The following SORD variants were observed in gnomAD, a reference collection of about 807,000 sequenced individuals.
SORD encodes (R,R)-butanediol dehydrogenase.
A neutral mutation model predicts 35.6 loss-of-function variants in SORD; 18 were observed. The ratio of observed to expected loss-of-function variants is 0.51; its 90% confidence interval spans 0.35 to 0.75. SORD has a LOEUF of 0.75. Among genes scored for constraint, SORD ranks in the 30% least tolerant of loss-of-function variants. The pLI, the probability that SORD is intolerant of heterozygous loss-of-function variation, is 0.01. For missense variants in SORD, 250 were observed against 390.2 expected (o/e 0.64, Z 3.03); for synonymous variants, 106 against 152.9 (o/e 0.69, Z 2.26).
At chr15:45,038,232 A>T (rs1186599125) in intron 1 of SORD, among the ~76,000 whole-genome samples, 1 of 149,402 alleles carries the variant, frequency 6.7e-6, no homozygotes, top group Admixed American at 6.7e-5. Context: ...AGATAAAAAG[A>T]CTCCCTTAAG....
intron 3 of SORD, among the ~76,000 whole-genome samples, chr15:45,056,855 G>T (rs989629746): frequency 5.3e-5 from 8 of 152,158 alleles, no homozygotes; most frequent in African/African-American, 1.9e-4. Context: ...AGGGATCATT[G>T]GTTCCAGTCA....
chr15:45,024,833 A>G (rs1892644370), intron 1 of SORD, among the ~76,000 whole-genome samples: 1 of 152,222 alleles, frequency 6.6e-6, no homozygotes, highest in Non-Finnish European at 1.5e-5. Context: ...AGATAAAGTC[A>G]ACAATTATGA....
intron 1 of SORD, 112 bp from the exon 2 acceptor site, chr15:45,040,296 T>C: frequency 1.3e-6 from 1 of 769,672 alleles, no homozygotes; most frequent in South Asian, 1.6e-5. Flanking sequence ...CTTGTGTTAA[T>C]TCTAAGAAGA....
At chr15:45,061,675 G>A (rs1014281758) in intron 4 of SORD, among the ~76,000 whole-genome samples, 1 of 151,824 alleles carries the variant, frequency 6.6e-6, no homozygotes, top group Non-Finnish European at 1.5e-5. Context: ...AGACCTTCCT[G>A]GCTAACACGG....
At chr15:45,035,465 G>T (rs112917687) in intron 1 of SORD, among the ~76,000 whole-genome samples, 1,706 of 152,066 alleles carry the variant, frequency 0.011, 33 homozygotes, top group African/African-American at 0.04. Context: ...TAGCTAATCT[G>T]GGGGGGAGGT....
At chr15:45,029,891 T>A (rs1892746170) in intron 1 of SORD, among the ~76,000 whole-genome samples, 1 of 152,262 alleles carries the variant, frequency 6.6e-6, no homozygotes, top group African/African-American at 2.4e-5. Context: ...CTCTACCAAC[T>A]GAGTCTGGGA....
chr15:45,072,564 T>G (rs1893529114), intron 8 of SORD, 126 bp downstream of exon 8: 1 of 519,572 alleles, frequency 1.9e-6, no homozygotes, highest in East Asian at 3.4e-5. Context: ...GCCACACTGA[T>G]AGCTGTGTGA....
chr15:45,036,176 G>T, intron 1 of SORD: 1 of 329,724 alleles, frequency 3.0e-6, no homozygotes, highest in South Asian at 2.3e-5. Context: ...CTCCGGACAC[G>T]CCCCCTTTAG....
At chr15:45,053,969 T>C (rs1339851399) in intron 3 of SORD, among the ~76,000 whole-genome samples, 1 of 146,904 alleles carries the variant, frequency 6.8e-6, no homozygotes, top group African/African-American at 2.5e-5. Flanking sequence ...ACAAAGGACA[T>C]GAACTCATCA....
intron 7 of SORD, chr15:45,070,351 G>A (rs1298191077): frequency 6.6e-6 from 1 of 152,194 alleles, no homozygotes; most frequent in African/African-American, 2.4e-5. Flanking sequence ...CCTTCCTTCT[G>A]AGGCTCACAG....
chr15:45,061,334 C>T, intron 4 of SORD, 108 bp downstream of exon 4: 1 of 1,225,352 alleles, frequency 8.2e-7, no homozygotes, highest in Non-Finnish European at 1.2e-6. Context: ...TAATTCCAAA[C>T]ATGAGGCATC....
At chr15:45,046,569 A>G (rs1221616874) in intron 3 of SORD, among the ~76,000 whole-genome samples, 1 of 152,234 alleles carries the variant, frequency 6.6e-6, no homozygotes, top group Non-Finnish European at 1.5e-5. Flanking sequence ...TTTGGTGGTC[A>G]TAAAGATTTC....
At chr15:45,054,421 T>G (rs1893179685) in intron 3 of SORD, among the ~76,000 whole-genome samples, 1 of 152,300 alleles carries the variant, frequency 6.6e-6, no homozygotes, top group East Asian at 1.9e-4. Flanking sequence ...TTTCATGTGT[T>G]TTTTGGCTGC....
chr15:45,069,060 G>A lies in SORD; in HGVS notation c.786+8G>A. 1 of 1,601,514 alleles carries A rather than the reference G, an allele frequency of 6.2e-7. No individual in the cohort carries two copies. Among genetic ancestry groups the A allele is most frequent in the Middle Eastern group, 1.7e-4 (1 of 5,970 alleles). On this transcript the variant is annotated splice_region_variant and intron_variant, in intron 7 of 8. Transcript: ENST00000267814. The stretch of plus-strand genomic sequence containing the variant: ...ATCCAGGCGGGCATCTACGTGAGTG[G>A]GCTGAGGGCAGCTTTGGGGAATCAG...
intron 6 of SORD, among the ~76,000 whole-genome samples, 188 bp from the exon 7 acceptor site, chr15:45,068,689 G>C (rs921544867): frequency 5.3e-5 from 8 of 151,354 alleles, no homozygotes; most frequent in African/African-American, 2.0e-4. Context: ...GCCATCCTGG[G>C]CTGCATGTGG....
At chr15:45,029,781 A>G (rs1892742797) in intron 1 of SORD, among the ~76,000 whole-genome samples, 1 of 152,240 alleles carries the variant, frequency 6.6e-6, no homozygotes, top group Non-Finnish European at 1.5e-5. Context: ...AGCAATGAAA[A>G]TGGCTTTCAG....
At chr15:45,062,924 T>C (rs545173366) in intron 4 of SORD, among the ~76,000 whole-genome samples, 2 of 146,972 alleles carry the variant, frequency 1.4e-5, no homozygotes, top group South Asian at 4.2e-4. Flanking sequence ...ATATCAAGTC[T>C]CCAGCATGAG....
chr15:45,045,187 T>C (rs1000699517), intron 3 of SORD, among the ~76,000 whole-genome samples: 8 of 152,134 alleles, frequency 5.3e-5, no homozygotes, highest in African/African-American at 1.9e-4. Flanking sequence ...ATCTTCATAC[T>C]TGAGAAAGGT....
intron 3 of SORD, among the ~76,000 whole-genome samples, chr15:45,046,750 G>A (rs911973717): frequency 1.3e-5 from 2 of 152,174 alleles, no homozygotes; most frequent in African/African-American, 4.8e-5. Context: ...GGGCATAATA[G>A]CTCACACCTA....
Sources: allele counts gnomAD v4.1 joint callset (sites outside exome capture counted in the v4.1 genomes callset), GRCh38; gene constraint gnomAD v4.1.1; transcripts MANE v1.5; gene names NCBI Gene and HGNC (gene_info 2026-07-23, HGNC 2026-07-21).